The following ZFHX3 variants were observed in gnomAD, a reference collection of about 807,000 sequenced individuals.
ZFHX3 encodes zinc finger homeobox protein 3.
Under a neutral mutation model 279.1 loss-of-function variants are expected in ZFHX3, and 42 were observed. The observed-to-expected ratio is 0.15, with a 90% CI of 0.12 to 0.19. The LOEUF (loss-of-function observed/expected upper bound fraction) is 0.19. ZFHX3 is among the 10% of genes least tolerant of loss of function. The probability of loss-of-function intolerance (pLI) is 1.00; values close to 1 mark genes in which losing one functional copy is unlikely to be tolerated. For missense variants in ZFHX3, 4,981 were observed against 4,754.0 expected, an observed-to-expected ratio of 1.05 and a Z score of -1.40; for synonymous variants, 2,293 against 1,957.8, an observed-to-expected ratio of 1.17 and a Z score of -4.52.
chr16:73,035,684 G>C (rs768472859), intron 1 of ZFHX3, among the ~76,000 whole-genome samples: 1 of 152,166 alleles, frequency 6.6e-6, no homozygotes. Flanking sequence ...TCAGGAGTTC[G>C]AGACTAGCCT....
At chr16:72,822,499 G>A (rs1485858839) in intron 5 of ZFHX3, among the ~76,000 whole-genome samples, 21 of 151,990 alleles carry the variant, frequency 1.4e-4, no homozygotes, top group Admixed American at 1.2e-3. Context: ...CCTAATGAAC[G>A]TGCTCTAATA....
chr16:72,983,121 T>A (rs1962682025), intron 1 of ZFHX3, among the ~76,000 whole-genome samples: 2 of 152,160 alleles, frequency 1.3e-5, no homozygotes, highest in African/African-American at 4.8e-5. Context: ...TTAGTCCACT[T>A]TCTGCCATCA....
intron 2 of ZFHX3, among the ~76,000 whole-genome samples, chr16:73,527,020 G>C (rs1187960544): frequency 6.6e-6 from 1 of 151,928 alleles, no homozygotes; most frequent in Non-Finnish European, 1.5e-5. Context: ...TTGAGAATGG[G>C]GTTTCACTTC....
intron 2 of ZFHX3, among the ~76,000 whole-genome samples, chr16:73,604,919 A>C (rs905406468): frequency 6.6e-6 from 1 of 151,622 alleles, no homozygotes. Context: ...AAGAAAGTCC[A>C]TTTTTTTTCA....
intron 3 of ZFHX3, among the ~76,000 whole-genome samples, chr16:73,411,469 T>C (rs1031877666): frequency 5.9e-5 from 9 of 152,212 alleles, no homozygotes; most frequent in Admixed American, 2.6e-4. Flanking sequence ...TGGGAATATA[T>C]GATTCTCTCC....
intron 3 of ZFHX3, among the ~76,000 whole-genome samples, chr16:72,920,817 C>A (rs1224929026): frequency 3.3e-5 from 5 of 152,040 alleles, no homozygotes; most frequent in African/African-American, 7.2e-5. Flanking sequence ...TGCCTGTAAT[C>A]TCAGCACTTT....
At chr16:73,875,425 A>C (rs1368979430) in intron 1 of ZFHX3, among the ~76,000 whole-genome samples, 6 of 152,198 alleles carry the variant, frequency 3.9e-5, no homozygotes, top group African/African-American at 7.2e-5. Flanking sequence ...AAGGCATTAA[A>C]GTATATTCTG....
chr16:73,396,217 C>T (rs2017126696), intron 3 of ZFHX3, among the ~76,000 whole-genome samples: 2 of 152,286 alleles, frequency 1.3e-5, no homozygotes, highest in South Asian at 2.1e-4. Flanking sequence ...TGGGAAGAGG[C>T]TTATGCGGAG....
At position 73,462,776 on chromosome 16, in the gene ZFHX3, C is replaced by T. The variant is rs78351659; in HGVS notation, c.-1546-6518G>A. Among the ~76,000 whole-genome samples, 7 of 152,232 alleles carry T rather than the reference C, an allele frequency of 4.6e-5. No homozygotes were observed. The East Asian group carries it at 5.8e-4, about 13-fold the overall frequency. On this transcript the variant is annotated intron_variant, in intron 2 of 17. Coordinates refer to the ZFHX3 transcript ENST00000641206. ...CCCTATAATAAATGCCACTGAGTCA[C>T]GGTGTATCATTCTCATTATATAATG...
chr16:73,574,616 G>A (rs1417467576), intron 2 of ZFHX3, among the ~76,000 whole-genome samples: 1 of 152,136 alleles, frequency 6.6e-6, no homozygotes, highest in African/African-American at 2.4e-5. Context: ...CAGTGACAAT[G>A]GGTGAAGGGA....
chr16:72,959,942 G>A lies in ZFHX3; in HGVS notation c.204C>T (p.Ala68=), dbSNP rs774660681. ...NERLAESTAS[A]GPPSEPASKE... ...TGCTGGCGGGCTCGGAGGGGGGCCC[G>A]GCCGACGCGGTGCTCTCCGCGAGGC... is the stretch of plus-strand genomic sequence containing the variant. The change falls in exon 2 of 10, where the codon GCC becomes GCT. Residue 68 remains alanine, a synonymous_variant. Transcript: ENST00000268489. 50 of 1,600,462 alleles carry A rather than the reference G, an allele frequency of 3.1e-5. No homozygotes were observed. The highest frequency in any genetic ancestry group is 1.3e-4 in the South Asian group (12 of 88,944).
intron 1 of ZFHX3, among the ~76,000 whole-genome samples, chr16:73,761,143 A>T (rs2053861795): frequency 6.6e-6 from 1 of 152,194 alleles, no homozygotes; most frequent in Admixed American, 6.5e-5. Flanking sequence ...AAGCCTCAGG[A>T]TACAAAATCA....
At chr16:73,002,153 G>A (rs1169923541) in intron 1 of ZFHX3, among the ~76,000 whole-genome samples, 1 of 152,154 alleles carries the variant, frequency 6.6e-6, no homozygotes, top group African/African-American at 2.4e-5. Context: ...CAGCCATAAA[G>A]TAACGGACAT....
intron 2 of ZFHX3, among the ~76,000 whole-genome samples, chr16:73,530,147 C>T (rs187494464): frequency 2.6e-5 from 4 of 152,234 alleles, no homozygotes; most frequent in African/African-American, 7.2e-5. Flanking sequence ...GCAAAAGTCA[C>T]GTCTTACATG....
At position 72,829,830 on chromosome 16, in the gene ZFHX3, T is replaced by C. The variant is rs138345624; in HGVS notation, c.3478A>G (p.Ser1160Gly). 1.2e-6 allele frequency: 2 copies of C among 1,614,106 alleles called. No homozygotes were observed. The highest frequency in any genetic ancestry group is 2.7e-5 in the African/African-American group (2 of 74,942). Residue 1160 changes from serine (S) to glycine (G), a missense_variant, in exon 5 of 10, where the codon AGT becomes GGT. By Grantham distance (56) the Ser-to-Gly change is moderately conservative. Transcript: ENST00000268489. ...EEAIEDVEGP[S>G]ETAADPEELA... ...TCCTCTGGATCAGCAGCTGTTTCAC[T>C]GGGTCCTTCAACATCTTCAATGGCT...
chr16:73,176,738 G>T (rs1203254504), intron 5 of ZFHX3, among the ~76,000 whole-genome samples: 1 of 151,712 alleles, frequency 6.6e-6, no homozygotes, highest in East Asian at 1.9e-4. Flanking sequence ...TAAAATGTAG[G>T]CTAGACAAGA....
At chr16:73,344,811 T>C (rs558224596) in intron 3 of ZFHX3, among the ~76,000 whole-genome samples, 1 of 152,270 alleles carries the variant, frequency 6.6e-6, no homozygotes, top group Admixed American at 6.5e-5. Flanking sequence ...GGAAGCTCGA[T>C]GAAGAGTATG....
At chr16:73,695,439 C>A (rs991616746) in intron 1 of ZFHX3, among the ~76,000 whole-genome samples, 1 of 152,190 alleles carries the variant, frequency 6.6e-6, no homozygotes, top group African/African-American at 2.4e-5. Flanking sequence ...TCTCATTTGT[C>A]ATTTCCCACT....
intron 4 of ZFHX3, among the ~76,000 whole-genome samples, chr16:72,854,719 T>C (rs1030732246): frequency 6.6e-6 from 1 of 152,026 alleles, no homozygotes; most frequent in South Asian, 2.1e-4. Flanking sequence ...AATTAAATCC[T>C]TGAAAAACTG....
Sources: allele counts gnomAD v4.1 joint callset (sites outside exome capture counted in the v4.1 genomes callset), GRCh38; gene constraint gnomAD v4.1.1; transcripts MANE v1.5; gene names NCBI Gene and HGNC (gene_info 2026-07-23, HGNC 2026-07-21).